BTRC: variants seen among roughly 807,000 people sequenced by gnomAD.
BTRC encodes the protein beta-transducin repeat containing E3 ubiquitin protein ligase, also known as F-box/WD repeat-containing protein 1A.
A neutral mutation model predicts 85.5 loss-of-function variants in BTRC; 42 were observed. The observed-to-expected ratio is 0.49, with a 90% CI of 0.38 to 0.64. The LOEUF is 0.64. Ranked by LOEUF, BTRC falls within the 30% of genes least tolerant of loss-of-function variation. The probability of loss-of-function intolerance (pLI) is 0.00; values close to 1 mark genes in which losing one functional copy is unlikely to be tolerated. For missense variants in BTRC, 594 were observed against 743.5 expected, an observed-to-expected ratio of 0.80 and a Z score of 2.34; for synonymous variants, 255 against 263.3, an observed-to-expected ratio of 0.97 and a Z score of 0.30.
intron 1 of BTRC, among the ~76,000 whole-genome samples, chr10:101,391,771 A>T (rs868441646): frequency 1.3e-5 from 2 of 152,232 alleles, no homozygotes; most frequent in Non-Finnish European, 2.9e-5. Flanking sequence ...TAGCTACTAT[A>T]TTAAGGCACA....
intron 3 of BTRC, among the ~76,000 whole-genome samples, chr10:101,467,741 A>G (rs1204981219): frequency 3.9e-5 from 6 of 152,126 alleles, no homozygotes; most frequent in Non-Finnish European, 1.5e-5. Flanking sequence ...AAAAATCACA[A>G]TGCATTCTGG....
In BTRC at chr10:101,534,952, G is replaced by A. The variant is rs80048478; in HGVS notation, c.1347+42G>A. 2,087 of 1,587,730 alleles carry A rather than the reference G, an allele frequency of 1.3e-3. 49 individuals carry two copies. In the East Asian group the frequency reaches 0.044, roughly 33 times the overall value. ...CAGTAAGTTTCCAACTTAGAATGGG[G>A]GAATTCATATGAAAATTTGATCAAG... On this transcript the variant is annotated intron_variant, in intron 10 of 14. Coordinates refer to ENST00000370187, the MANE Select transcript of BTRC (RefSeq NM_033637.4).
intron 4 of BTRC, among the ~76,000 whole-genome samples, chr10:101,517,505 A>G (rs1162796578): frequency 6.6e-6 from 1 of 152,218 alleles, no homozygotes; most frequent in African/African-American, 2.4e-5. Flanking sequence ...GTACAGTTTT[A>G]TAGCATGTTC....
chr10:101,415,512 TTATG>T (rs56200789), intron 1 of BTRC, among the ~76,000 whole-genome samples: 2 of 5,134 alleles, frequency 3.9e-4, no homozygotes, highest in African/African-American at 4.7e-4. Flanking sequence ...TTATGTTATG[TTATG>T]TTATGTTATG....
chr10:101,473,384 A>C (rs749303107), intron 3 of BTRC, among the ~76,000 whole-genome samples: 4 of 151,516 alleles, frequency 2.6e-5, no homozygotes, highest in Non-Finnish European at 4.4e-5. Flanking sequence ...TTCTGGGCTC[A>C]AGCAACCGCC....
chr10:101,459,743 T>C (rs553123103), intron 2 of BTRC, among the ~76,000 whole-genome samples: 33 of 152,324 alleles, frequency 2.2e-4, no homozygotes, highest in African/African-American at 7.5e-4. Context: ...TTTCATTCTT[T>C]AGACATTTTC....
At chr10:101,500,326 T>C (rs1237084811) in intron 4 of BTRC, among the ~76,000 whole-genome samples, 2 of 152,132 alleles carry the variant, frequency 1.3e-5, no homozygotes, top group Admixed American at 1.3e-4. Context: ...TAAACATTTC[T>C]AAACATAGAA....
chr10:101,417,564 A>G (rs545726058), intron 1 of BTRC, among the ~76,000 whole-genome samples: 49 of 152,306 alleles, frequency 3.2e-4, no homozygotes, highest in South Asian at 1.0e-3. Context: ...TTTTTTTCCC[A>G]CTATAGAATT....
chr10:101,462,206 C>G, intron 3 of BTRC, 148 bp downstream of exon 3: 2 of 600,400 alleles, frequency 3.3e-6, no homozygotes, highest in Non-Finnish European at 5.9e-6. Context: ...CACTTTCAAT[C>G]AGGTGACATG....
chr10:101,511,000 C>A (rs990904903), intron 4 of BTRC, among the ~76,000 whole-genome samples: 1 of 152,162 alleles, frequency 6.6e-6, no homozygotes, highest in Non-Finnish European at 1.5e-5. Flanking sequence ...CTTTCCAGCC[C>A]CTGCTCCATT....
intron 3 of BTRC, among the ~76,000 whole-genome samples, chr10:101,472,120 A>G (rs887976215): frequency 7.9e-5 from 12 of 152,272 alleles, no homozygotes; most frequent in South Asian, 4.1e-4. Flanking sequence ...TTTTACATCT[A>G]TATTTATATA....
At chr10:101,377,548 C>T (rs1391998578) in intron 1 of BTRC, among the ~76,000 whole-genome samples, 1 of 152,128 alleles carries the variant, frequency 6.6e-6, no homozygotes, top group Non-Finnish European at 1.5e-5. Context: ...TTGGGATTAT[C>T]AGTATTTTTA....
rs1165066674 is a variant in BTRC, at chr10:101,357,535, G to T, written c.48+3307G>T. 2.0e-5 allele frequency among the ~76,000 whole-genome samples: 3 copies of T among 151,854 alleles called. No individual in the cohort carries two copies. In the East Asian group the frequency reaches 5.8e-4, roughly 29 times the overall value. On this transcript the variant is annotated intron_variant, in intron 1 of 14. Coordinates refer to ENST00000370187, the MANE Select transcript of BTRC (RefSeq NM_033637.4). Reference sequence around the variant, plus strand: ...AAGAACTATCCTTTTAATCAAACGGGCATTTTTATTACTATTTGGCTTTGT... The same window carrying T: ...AAGAACTATCCTTTTAATCAAACGGTCATTTTTATTACTATTTGGCTTTGT...
chr10:101,487,200 G>A (rs1412744770), intron 4 of BTRC, among the ~76,000 whole-genome samples: 1 of 152,142 alleles, frequency 6.6e-6, no homozygotes, highest in East Asian at 1.9e-4. Context: ...GGTATAGGAG[G>A]TGAAGCGTGC....
chr10:101,371,781 A>C (rs562350906), intron 1 of BTRC, among the ~76,000 whole-genome samples: 2 of 152,060 alleles, frequency 1.3e-5, no homozygotes, highest in Non-Finnish European at 2.9e-5. Flanking sequence ...TAGCTCTGCA[A>C]TCCATCTGGA....
At chr10:101,522,595 A>G (rs1472077715) in intron 5 of BTRC, among the ~76,000 whole-genome samples, 1 of 150,554 alleles carries the variant, frequency 6.6e-6, no homozygotes, top group Non-Finnish European at 1.5e-5. Context: ...TAATTTTTGT[A>G]TTTTTAGTAG....
rs543635004 is a variant in BTRC, at chr10:101,509,533, C to T, written c.325-12106C>T. Among the ~76,000 whole-genome samples, 985 of 148,700 alleles carry T rather than the reference C, an allele frequency of 6.6e-3. 8 individuals are homozygous for T. Among genetic ancestry groups the T allele is most frequent in the Middle Eastern group, 0.028 (8 of 282 alleles). ...CCTCCCAAAGTGCTGGGATTACAGG[C>T]GTGAGCCACCGCGCCCAGCCTTTTT... On this transcript the variant is annotated intron_variant, in intron 4 of 14. Transcript: ENST00000370187.
intron 13 of BTRC, among the ~76,000 whole-genome samples, chr10:101,547,334 T>TC (rs1414569543): frequency 1.6e-5 from 2 of 123,066 alleles, no homozygotes; most frequent in East Asian, 4.1e-4. Flanking sequence ...TTTTCTTTTT[T>TC]TTTTTTTTTT....
intron 4 of BTRC, among the ~76,000 whole-genome samples, chr10:101,510,291 G>A (rs542569994): frequency 2.6e-5 from 4 of 152,150 alleles, no homozygotes; most frequent in Non-Finnish European, 5.9e-5. Context: ...GGTGGATCAC[G>A]AGGTCAGGAG....
Sources: allele counts gnomAD v4.1 joint callset (sites outside exome capture counted in the v4.1 genomes callset), GRCh38; gene constraint gnomAD v4.1.1; transcripts MANE v1.5; gene names NCBI Gene and HGNC (gene_info 2026-07-23, HGNC 2026-07-21).